EPB41L2: variants seen among roughly 807,000 people sequenced by gnomAD.
The protein encoded by EPB41L2 is band 4.1-like protein 2.
A neutral mutation model predicts 113.0 loss-of-function variants in EPB41L2; 43 were observed. That is an observed-to-expected ratio of 0.38 (90% confidence interval 0.30 to 0.49). The LOEUF is 0.49. Among genes scored for constraint, EPB41L2 ranks in the 20% least tolerant of loss-of-function variants. The pLI, the probability that EPB41L2 is intolerant of heterozygous loss-of-function variation, is 0.95. For synonymous variants in EPB41L2, 442 were observed against 436.7 expected, an observed-to-expected ratio of 1.01 and a Z score of -0.15; for missense variants, 1,147 against 1,223.4, an observed-to-expected ratio of 0.94 and a Z score of 0.93.
chr6:131,023,752 TATAG>T (rs1196356094), intron 1 of EPB41L2, among the ~76,000 whole-genome samples: 1,921 of 77,710 alleles, frequency 0.025, 34 homozygotes, highest in Non-Finnish European at 0.034. Flanking sequence ...TATATCTATA[TATAG>T]ATATATAGAT....
intron 1 of EPB41L2, among the ~76,000 whole-genome samples, chr6:131,022,487 T>C (rs1789735186): frequency 6.6e-6 from 1 of 152,214 alleles, no homozygotes; most frequent in African/African-American, 2.4e-5. Flanking sequence ...ATCTCTCCAT[T>C]GCTTTATTTT....
chr6:130,858,367 T>C (rs888375243), intron 18 of EPB41L2, 124 bp from the exon 19 acceptor site: 1 of 662,858 alleles, frequency 1.5e-6, no homozygotes, highest in Non-Finnish European at 2.6e-6. Context: ...CACTTCTGTA[T>C]TTGAGAAAGC....
At chr6:130,885,371 T>C (rs1000121331) in intron 11 of EPB41L2, 103 bp from the exon 12 acceptor site, 4 of 1,071,962 alleles carry the variant, frequency 3.7e-6, no homozygotes, top group Non-Finnish European at 4.2e-6. Context: ...ATATAAATAG[T>C]GAACAGGAAC....
intron 14 of EPB41L2, chr6:130,872,595 A>AGT (rs1786108680): frequency 1.7e-6 from 2 of 1,172,484 alleles, no homozygotes; most frequent in Non-Finnish European, 1.1e-6. Context: ...AACAGACAGC[A>AGT]GTGACCTATT....
intron 3 of EPB41L2, among the ~76,000 whole-genome samples, chr6:130,940,772 A>C (rs1810555724): frequency 6.6e-6 from 1 of 152,122 alleles, no homozygotes; most frequent in African/African-American, 2.4e-5. Context: ...CTCAGCCCTA[A>C]ATATATCATT....
At chr6:130,933,884 G>A (rs1408020957) in intron 3 of EPB41L2, among the ~76,000 whole-genome samples, 5 of 152,152 alleles carry the variant, frequency 3.3e-5, no homozygotes, top group Admixed American at 1.3e-4. Flanking sequence ...CACCACTGGC[G>A]TTTTATAAAC....
At chr6:130,938,608 C>T (rs1262256363) in intron 3 of EPB41L2, among the ~76,000 whole-genome samples, 1 of 152,168 alleles carries the variant, frequency 6.6e-6, no homozygotes, top group Non-Finnish European at 1.5e-5. Context: ...AAAGGCTGTA[C>T]TACTGGTAGT....
intron 1 of EPB41L2, among the ~76,000 whole-genome samples, chr6:131,057,118 C>T (rs1217733846): frequency 6.6e-6 from 1 of 152,126 alleles, no homozygotes; most frequent in Non-Finnish European, 1.5e-5. Context: ...CTTCTAATCT[C>T]GAAAATAAGA....
intron 4 of EPB41L2, among the ~76,000 whole-genome samples, chr6:130,924,265 T>C (rs1803870821): frequency 6.6e-6 from 1 of 152,228 alleles, no homozygotes; most frequent in African/African-American, 2.4e-5. Flanking sequence ...GTTGCTTTCA[T>C]CTCTTGGCTG....
intron 19 of EPB41L2, among the ~76,000 whole-genome samples, chr6:130,842,693 T>C (rs983211277): frequency 6.6e-6 from 1 of 152,182 alleles, no homozygotes; most frequent in Admixed American, 6.5e-5. Context: ...TAATGAGTCA[T>C]AAATTTGTAA....
chr6:130,994,847 G>A (rs895122299), intron 1 of EPB41L2, among the ~76,000 whole-genome samples: 3 of 152,092 alleles, frequency 2.0e-5, no homozygotes, highest in Non-Finnish European at 2.9e-5. Flanking sequence ...AAGCGTATCC[G>A]ATTGCCTCCT....
chr6:130,861,575 T>C (rs1341828499), intron 18 of EPB41L2, among the ~76,000 whole-genome samples: 1 of 152,008 alleles, frequency 6.6e-6, no homozygotes, highest in African/African-American at 2.4e-5. Flanking sequence ...ACAATCACAT[T>C]TACTCAAAAA....
chr6:130,915,711 T>C (rs1004303828), intron 4 of EPB41L2, among the ~76,000 whole-genome samples: 1 of 152,170 alleles, frequency 6.6e-6, no homozygotes, highest in African/African-American at 2.4e-5. Context: ...AGGGGCCTGG[T>C]GGGAGATGAG....
At chr6:130,901,300 T>C (rs1796236978) in intron 6 of EPB41L2, 120 bp from the exon 7 acceptor site, 1 of 764,888 alleles carries the variant, frequency 1.3e-6, no homozygotes, top group Non-Finnish European at 2.1e-6. Context: ...GCACTCTTCA[T>C]ATAAACAGCA....
At position 130,869,751 on chromosome 6, in the gene EPB41L2, C is replaced by T; in HGVS notation, c.2419G>A (p.Val807Ile). Residue 807 changes from valine (V) to isoleucine (I), a missense_variant, in exon 15 of 20, where the codon GTA (valine) becomes ATA (isoleucine). Physicochemically the swap from Val to Ile is conservative, Grantham distance 29 (BLOSUM62 3). Coordinates refer to ENST00000337057, the MANE Select transcript of EPB41L2 (RefSeq NM_001431.4). ...TGGATCACTGTTTCTACTGTGATTA[C>T]ACTGGCACCTGCTTGTGTGACTGGG... The part of the protein sequence containing the change: ...ASPVTQAGAS[V>I]ITVETVIQEN... 1 of 1,614,206 alleles carries T rather than the reference C, an allele frequency of 6.2e-7. No individual in the cohort carries two copies. The highest frequency in any genetic ancestry group is 8.5e-7 in the Non-Finnish European group (1 of 1,180,040).
At chr6:131,018,904 T>C (rs762018980) in intron 1 of EPB41L2, among the ~76,000 whole-genome samples, 1 of 152,220 alleles carries the variant, frequency 6.6e-6, no homozygotes, top group Non-Finnish European at 1.5e-5. Context: ...ACTGGTGTAA[T>C]TCTCTATCCT....
At chr6:131,023,780 G>T (rs1385947131) in intron 1 of EPB41L2, among the ~76,000 whole-genome samples, 4 of 129,328 alleles carry the variant, frequency 3.1e-5, no homozygotes, top group African/African-American at 1.3e-4. Context: ...TAGATATATA[G>T]ATATATAGAT....
At chr6:130,940,367 C>G (rs1347665704) in intron 3 of EPB41L2, among the ~76,000 whole-genome samples, 2 of 152,020 alleles carry the variant, frequency 1.3e-5, no homozygotes, top group African/African-American at 4.8e-5. Flanking sequence ...TTTCTTGTAA[C>G]CCCCAATTTT....
intron 9 of EPB41L2, 87 bp from the exon 10 acceptor site, chr6:130,894,528 G>A: frequency 8.5e-7 from 1 of 1,182,158 alleles, no homozygotes; most frequent in Non-Finnish European, 1.3e-6. Context: ...ATGTTTCTGT[G>A]AGAAGCAATT....
Sources: allele counts gnomAD v4.1 joint callset (sites outside exome capture counted in the v4.1 genomes callset), GRCh38; gene constraint gnomAD v4.1.1; transcripts MANE v1.5; gene names NCBI Gene and HGNC (gene_info 2026-07-23, HGNC 2026-07-21).